Variants in LHFPL3 observed in about 807,000 individuals in gnomAD.
The protein encoded by LHFPL3 is LHFPL tetraspan subfamily member 3, also known as LHFPL tetraspan subfamily member 3 protein.
A neutral mutation model predicts 19.3 loss-of-function variants in LHFPL3; 5 were observed. The observed-to-expected ratio is 0.26, with a 90% CI of 0.14 to 0.54. LHFPL3 has a LOEUF of 0.54. LHFPL3 is among the 20% of genes least tolerant of loss of function. LHFPL3 has a pLI of 0.94. For missense variants in LHFPL3, 249 were observed against 307.4 expected, an observed-to-expected ratio of 0.81 and a Z score of 1.42; for synonymous variants, 133 against 126.2, an observed-to-expected ratio of 1.05 and a Z score of -0.36.
chr7:104,641,598 T>C (rs920719107), intron 1 of LHFPL3, among the ~76,000 whole-genome samples: 1 of 152,190 alleles, frequency 6.6e-6, no homozygotes, highest in Non-Finnish European at 1.5e-5. Flanking sequence ...TTCCATTACA[T>C]GAAAAATGAG....
chr7:104,350,687 A>G (rs1790155891), intron 1 of LHFPL3, among the ~76,000 whole-genome samples: 2 of 152,212 alleles, frequency 1.3e-5, no homozygotes, highest in South Asian at 2.1e-4. Flanking sequence ...AATTAAATAT[A>G]TAATCTATCA....
intron 1 of LHFPL3, among the ~76,000 whole-genome samples, chr7:104,346,644 G>T (rs1262752391): frequency 3.3e-5 from 5 of 151,616 alleles, no homozygotes; most frequent in Non-Finnish European, 7.4e-5. Flanking sequence ...TCCACTTCCA[G>T]TGACACACGT....
intron 1 of LHFPL3, among the ~76,000 whole-genome samples, chr7:104,594,732 A>C (rs544639961): frequency 1.3e-5 from 2 of 152,242 alleles, no homozygotes; most frequent in South Asian, 4.1e-4. Context: ...GGCTTTGTTC[A>C]TTCCTTTTTC....
chr7:104,670,647 C>T lies in LHFPL3; in HGVS notation c.446-66028C>T, dbSNP rs1231977750. 2.0e-5 allele frequency among the ~76,000 whole-genome samples: 3 copies of T among 152,168 alleles called. No homozygotes were observed. The East Asian group carries it at 5.8e-4, about 29-fold the overall frequency. On this transcript the variant is annotated intron_variant, in intron 1 of 2. Transcript: ENST00000424859. Reference sequence around the variant, plus strand: ...TCTTGATATCTTCTGGTTCTCACTCCTTGCCTGCTCCTGATGCTTTGACCC... The same window carrying T: ...TCTTGATATCTTCTGGTTCTCACTCTTTGCCTGCTCCTGATGCTTTGACCC...
intron 1 of LHFPL3, among the ~76,000 whole-genome samples, chr7:104,657,430 T>C (rs377517171): frequency 3.4e-4 from 52 of 152,354 alleles, no homozygotes; most frequent in African/African-American, 1.2e-3. Context: ...TGAAATTCAT[T>C]CTGAAAATAA....
At chr7:104,381,055 A>G (rs1268570273) in intron 1 of LHFPL3, among the ~76,000 whole-genome samples, 8 of 152,186 alleles carry the variant, frequency 5.3e-5, no homozygotes, top group Admixed American at 5.2e-4. Flanking sequence ...GTAAAATATA[A>G]TCTATGTCGC....
chr7:104,449,422 T>C (rs1792389232), intron 1 of LHFPL3, among the ~76,000 whole-genome samples: 1 of 152,226 alleles, frequency 6.6e-6, no homozygotes, highest in African/African-American at 2.4e-5. Context: ...AGCCAATTTC[T>C]AAATGTACTT....
intron 1 of LHFPL3, among the ~76,000 whole-genome samples, chr7:104,498,548 G>C (rs1024892788): frequency 2.7e-5 from 4 of 148,386 alleles, no homozygotes; most frequent in Middle Eastern, 3.5e-3. Flanking sequence ...CCAGGTTTGA[G>C]TGCAGGGTCT....
intron 2 of LHFPL3, among the ~76,000 whole-genome samples, chr7:104,766,218 T>A (rs989670089): frequency 6.6e-6 from 1 of 152,320 alleles, no homozygotes; most frequent in African/African-American, 2.4e-5. Flanking sequence ...TGGGAGATTA[T>A]CTAGAGAGCA....
At chr7:104,486,334 T>G (rs1311891944) in intron 1 of LHFPL3, among the ~76,000 whole-genome samples, 1 of 152,238 alleles carries the variant, frequency 6.6e-6, no homozygotes, top group Non-Finnish European at 1.5e-5. Flanking sequence ...TGATTACGAC[T>G]GTGCTATAGT....
chr7:104,415,912 G>A (rs977833907), intron 1 of LHFPL3, among the ~76,000 whole-genome samples: 46 of 152,160 alleles, frequency 3.0e-4, no homozygotes, highest in African/African-American at 1.1e-3. Flanking sequence ...CTGCCACCAA[G>A]CAGCAGACAT....
intron 1 of LHFPL3, among the ~76,000 whole-genome samples, chr7:104,449,528 A>C (rs1584327258): frequency 6.6e-6 from 1 of 152,230 alleles, no homozygotes; most frequent in Non-Finnish European, 1.5e-5. Context: ...AAACCACATC[A>C]GTCCCTTGTT....
At chr7:104,370,356 C>A (rs574425322) in intron 1 of LHFPL3, among the ~76,000 whole-genome samples, 2 of 152,118 alleles carry the variant, frequency 1.3e-5, no homozygotes, top group African/African-American at 4.8e-5. Flanking sequence ...ATGGGAAGAT[C>A]GAGTGTCCTT....
chr7:104,750,513 T>A (rs1385120423), intron 2 of LHFPL3, among the ~76,000 whole-genome samples: 1 of 152,278 alleles, frequency 6.6e-6, no homozygotes, highest in Non-Finnish European at 1.5e-5. Context: ...CTTTATAGTC[T>A]GAATCAACCA....
chr7:104,606,786 G>T (rs1467053624), intron 1 of LHFPL3, among the ~76,000 whole-genome samples: 3 of 152,106 alleles, frequency 2.0e-5, no homozygotes, highest in Admixed American at 6.5e-5. Flanking sequence ...TGGGCAATTT[G>T]GTGGGCAGGG....
intron 2 of LHFPL3, among the ~76,000 whole-genome samples, chr7:104,741,442 C>G (rs1793934565): frequency 7.1e-6 from 1 of 140,784 alleles, no homozygotes; most frequent in Non-Finnish European, 1.5e-5. Context: ...CAGTGAAGTG[C>G]CAGAATATTT....
intron 1 of LHFPL3, among the ~76,000 whole-genome samples, chr7:104,581,701 T>A (rs138789225): frequency 2.0e-5 from 3 of 152,074 alleles, no homozygotes; most frequent in Non-Finnish European, 4.4e-5. Context: ...TTTTTCCATA[T>A]AGATATCCTG....
chr7:104,763,929 C>A (rs188608930), intron 2 of LHFPL3, among the ~76,000 whole-genome samples: 1 of 152,210 alleles, frequency 6.6e-6, no homozygotes, highest in South Asian at 2.1e-4. Flanking sequence ...AGGAAATTTC[C>A]AATAAGGATA....
Position 104,496,799 on chromosome 7 carries a change from T to G in LHFPL3, c.445+167575T>G, listed in dbSNP as rs192893960. Among the ~76,000 whole-genome samples, 124 of 152,290 alleles carry G rather than the reference T, an allele frequency of 8.1e-4. 2 individuals are homozygous for G. In the East Asian group the frequency reaches 0.021, roughly 26 times the overall value. On this transcript the variant is annotated intron_variant, in intron 1 of 2. Coordinates refer to ENST00000424859, the MANE Select transcript of LHFPL3 (RefSeq NM_199000.3). ...TGTATCTCATCATCACTACCAGATGTTAGGAGCACTGCACTTCCTGTGCTT... is the reference window on the plus strand; with the variant it reads ...TGTATCTCATCATCACTACCAGATGGTAGGAGCACTGCACTTCCTGTGCTT...
Sources: allele counts gnomAD v4.1 joint callset (sites outside exome capture counted in the v4.1 genomes callset), GRCh38; gene constraint gnomAD v4.1.1; transcripts MANE v1.5; gene names NCBI Gene and HGNC (gene_info 2026-07-23, HGNC 2026-07-21).